R3HDM2: variants seen among roughly 807,000 people sequenced by gnomAD.
R3HDM2 encodes R3H domain containing 2.
Under a neutral mutation model 124.5 loss-of-function variants are expected in R3HDM2, and 38 were observed. The observed-to-expected ratio is 0.31, with a 90% CI of 0.24 to 0.40. The LOEUF is 0.40. Ranked by LOEUF, R3HDM2 falls within the 10% of genes least tolerant of loss-of-function variation. The pLI is 1.00. For missense variants in R3HDM2, 869 were observed against 1,236.9 expected (o/e 0.70, Z 4.46); for synonymous variants, 391 against 448.0 (o/e 0.87, Z 1.61).
chr12:57,318,997 T>C (rs897633799), intron 2 of R3HDM2, among the ~76,000 whole-genome samples: 1 of 152,142 alleles, frequency 6.6e-6, no homozygotes, highest in African/African-American at 2.4e-5. Context: ...AGGGGAGAAA[T>C]AGTCAAAAAC....
At chr12:57,383,034 C>T (rs2065133310) in intron 2 of R3HDM2, among the ~76,000 whole-genome samples, 1 of 151,970 alleles carries the variant, frequency 6.6e-6, no homozygotes, top group South Asian at 2.1e-4. Context: ...CAGGCATGCA[C>T]CACCAGGCCC....
intron 2 of R3HDM2, among the ~76,000 whole-genome samples, chr12:57,370,159 G>A (rs2063144331): frequency 1.3e-5 from 2 of 152,236 alleles, no homozygotes; most frequent in Middle Eastern, 3.4e-3. Context: ...TCACGGGGGC[G>A]GTTCCCCCCG....
At chr12:57,270,704 G>T (rs2043409761) in intron 14 of R3HDM2, among the ~76,000 whole-genome samples, 1 of 151,900 alleles carries the variant, frequency 6.6e-6, no homozygotes, top group Admixed American at 6.6e-5. Flanking sequence ...AAAGTGTTTG[G>T]ATTACAGGCG....
Position 57,372,468 on chromosome 12 carries a change from A to G in R3HDM2, c.-36+23281T>C, listed in dbSNP as rs886344724. 3.3e-5 allele frequency among the ~76,000 whole-genome samples: 5 copies of G among 152,314 alleles called. No individual in the cohort carries two copies. The South Asian group carries it at 6.2e-4, about 19-fold the overall frequency. On this transcript the variant is annotated intron_variant, in intron 2 of 23. Transcript: ENST00000402412. ...ATGGATTTCTGTCAACAAATTCCCA[A>G]GCTCTTTGCAATAAAGGGTGCTGCT... is the stretch of plus-strand genomic sequence containing the variant.
At chr12:57,334,577 T>G (rs867159485) in intron 2 of R3HDM2, among the ~76,000 whole-genome samples, 1 of 152,140 alleles carries the variant, frequency 6.6e-6, no homozygotes, top group South Asian at 2.1e-4. Flanking sequence ...CATTCTGTTA[T>G]ACTAAAAATG....
chr12:57,360,566 G>A (rs2061804541), intron 2 of R3HDM2, among the ~76,000 whole-genome samples: 1 of 151,512 alleles, frequency 6.6e-6, no homozygotes. Flanking sequence ...AGGCTATAGT[G>A]AGCCCTCATT....
At chr12:57,328,640 G>T (rs1298426303) in intron 2 of R3HDM2, among the ~76,000 whole-genome samples, 1 of 152,128 alleles carries the variant, frequency 6.6e-6, no homozygotes, top group East Asian at 1.9e-4. Context: ...TGGGCCTTAA[G>T]TTATCCTCCC....
chr12:57,285,757 G>T (rs751140691), intron 12 of R3HDM2, among the ~76,000 whole-genome samples: 3 of 152,144 alleles, frequency 2.0e-5, no homozygotes, highest in Non-Finnish European at 4.4e-5. Flanking sequence ...AGACATTAGA[G>T]CTTGAATTTT....
chr12:57,320,646 CA>C (rs1356530301), intron 2 of R3HDM2, among the ~76,000 whole-genome samples: 5 of 152,044 alleles, frequency 3.3e-5, no homozygotes, highest in African/African-American at 1.2e-4. Context: ...TAGGATAATA[CA>C]GGGGAAGATT....
intron 1 of R3HDM2, among the ~76,000 whole-genome samples, chr12:57,428,057 T>C (rs2139728822): frequency 6.6e-6 from 1 of 150,672 alleles, no homozygotes; most frequent in Non-Finnish European, 1.5e-5. Context: ...GAGGTAGAGG[T>C]TGCAGTGAGC....
chr12:57,266,933 G>C, intron 18 of R3HDM2, 102 bp from the exon 19 acceptor site: 1 of 831,684 alleles, frequency 1.2e-6, no homozygotes, highest in Non-Finnish European at 1.8e-6. Flanking sequence ...GGGAAGGAGA[G>C]GCAACTTCAA....
chr12:57,367,010 G>C (rs2062743853), intron 2 of R3HDM2, among the ~76,000 whole-genome samples: 1 of 144,492 alleles, frequency 6.9e-6, no homozygotes, highest in African/African-American at 2.9e-5. Flanking sequence ...GAGACTTAGT[G>C]ACTTAGAAAT....
intron 2 of R3HDM2, among the ~76,000 whole-genome samples, chr12:57,322,911 T>C (rs1314694658): frequency 6.6e-6 from 1 of 152,168 alleles, no homozygotes; most frequent in Non-Finnish European, 1.5e-5. Flanking sequence ...TGGGGGAACA[T>C]ATTTTTGAAA....
At chr12:57,332,440 GT>G (rs2058332872) in intron 2 of R3HDM2, among the ~76,000 whole-genome samples, 1 of 141,084 alleles carries the variant, frequency 7.1e-6, no homozygotes, top group Non-Finnish European at 1.5e-5. Flanking sequence ...AAAAAAGTAG[GT>G]GGCAAAGCTA....
chr12:57,358,412 G>A (rs1165984258), intron 2 of R3HDM2, among the ~76,000 whole-genome samples: 1 of 152,094 alleles, frequency 6.6e-6, no homozygotes, highest in Non-Finnish European at 1.5e-5. Context: ...CAAGTTGGGT[G>A]GATCACTTGA....
At chr12:57,335,215 T>C (rs982712712) in intron 2 of R3HDM2, among the ~76,000 whole-genome samples, 8 of 151,836 alleles carry the variant, frequency 5.3e-5, no homozygotes, top group Non-Finnish European at 1.5e-5. Context: ...TCCCATACTT[T>C]TTATTTTTTT....
intron 2 of R3HDM2, among the ~76,000 whole-genome samples, chr12:57,314,340 G>A (rs1243925049): frequency 6.6e-6 from 1 of 152,088 alleles, no homozygotes; most frequent in African/African-American, 2.4e-5. Flanking sequence ...TTAGCTGGGC[G>A]TGGTGGTGCA....
chr12:57,377,612 CT>C (rs2138194168), intron 2 of R3HDM2, among the ~76,000 whole-genome samples: 1 of 152,194 alleles, frequency 6.6e-6, no homozygotes, highest in East Asian at 1.9e-4. Context: ...GCAATATAAG[CT>C]TTTCTTTTCT....
At position 57,374,132 on chromosome 12, in the gene R3HDM2, C is replaced by A. The variant is rs1308936284; in HGVS notation, c.-36+21617G>T. The stretch of plus-strand genomic sequence containing the variant: ...GCCAGAGCAAGACTCTGTCTCAAAA[C>A]AAAACAAAAAAATATGGTCCCTGCC... On this transcript the variant is annotated intron_variant, in intron 2 of 23. Transcript: ENST00000402412. 9.2e-5 allele frequency among the ~76,000 whole-genome samples: 14 copies of A among 151,436 alleles called. No homozygotes were observed. The East Asian group carries it at 2.5e-3, about 27-fold the overall frequency.
Sources: allele counts gnomAD v4.1 joint callset (sites outside exome capture counted in the v4.1 genomes callset), GRCh38; gene constraint gnomAD v4.1.1; transcripts MANE v1.5; gene names NCBI Gene and HGNC (gene_info 2026-07-23, HGNC 2026-07-21).